Variants in C10orf143 observed in about 807,000 individuals in gnomAD.
C10orf143 encodes chromosome 10 open reading frame 143.
At chr10:130,107,817 G>A (rs565081417) in intron 1 of C10orf143, 18 of 1,248,624 alleles carry the variant, frequency 1.4e-5, no homozygotes, top group Non-Finnish European at 2.0e-5. Flanking sequence ...TCTGACACTG[G>A]GTCCCTGTCA....
At chr10:130,077,356 A>G (rs1398992013) in intron 3 of C10orf143, among the ~76,000 whole-genome samples, 1 of 152,214 alleles carries the variant, frequency 6.6e-6, no homozygotes, top group African/African-American at 2.4e-5. Context: ...AGCAGAACAG[A>G]TCAGATTAGC....
At chr10:130,060,168 G>A (rs1860838684), downstream of C10orf143, among the ~76,000 whole-genome samples, 2 of 152,030 alleles carry the variant, frequency 1.3e-5, no homozygotes, top group Admixed American at 1.3e-4. Flanking sequence ...GGTGCAAAGT[G>A]CTCCATGCTA....
intron 1 of C10orf143, among the ~76,000 whole-genome samples, chr10:130,084,353 G>A (rs1458203365): frequency 1.3e-5 from 2 of 152,014 alleles, no homozygotes; most frequent in African/African-American, 4.8e-5. Flanking sequence ...AAACTCAAAC[G>A]CTAAATAAAG....
At chr10:130,106,384 G>A in intron 1 of C10orf143, 3 of 1,602,678 alleles carry the variant, frequency 1.9e-6, no homozygotes, top group Non-Finnish European at 2.6e-6. Flanking sequence ...CATCGTTAGA[G>A]GATGCCAGCT....
At chr10:130,080,020 T>TA (rs1172552688) in intron 1 of C10orf143, 119 bp from the exon 2 acceptor site, 1 of 397,662 alleles carries the variant, frequency 2.5e-6, no homozygotes, top group African/African-American at 2.1e-5. Context: ...GAAAACTTTA[T>TA]AGGGCATTTG....
intron 1 of C10orf143, among the ~76,000 whole-genome samples, chr10:130,096,609 C>T (rs1861466312): frequency 7.3e-6 from 1 of 137,864 alleles, no homozygotes; most frequent in Admixed American, 8.0e-5. Flanking sequence ...AACCAAACAC[C>T]ACATGTTCTC....
intron 1 of C10orf143, chr10:130,108,541 AT>A: frequency 3.2e-6 from 2 of 622,658 alleles, no homozygotes; most frequent in Non-Finnish European, 2.9e-6. Flanking sequence ...TTTTGCTCAA[AT>A]TGAAACTTAA....
chr10:130,061,545 C>A (rs566239789), downstream of C10orf143, among the ~76,000 whole-genome samples: 61 of 152,186 alleles, frequency 4.0e-4, no homozygotes, highest in Admixed American at 7.9e-4. Context: ...CCCCTATATC[C>A]CCCCAAAAGC....
intron 3 of C10orf143, among the ~76,000 whole-genome samples, chr10:130,052,347 C>A (rs564548249): frequency 6.6e-6 from 1 of 152,246 alleles, no homozygotes; most frequent in South Asian, 2.1e-4. Context: ...TGGAGGGTGA[C>A]TCCAGGTACC....
chr10:130,045,565 T>C (rs1860658308), intron 3 of C10orf143, among the ~76,000 whole-genome samples: 1 of 152,228 alleles, frequency 6.6e-6, no homozygotes, highest in Non-Finnish European at 1.5e-5. Flanking sequence ...CCCTGGGAGC[T>C]GCCTCCAGAC....
At chr10:130,059,128 T>C (rs577914624), downstream of C10orf143, among the ~76,000 whole-genome samples, 30 of 152,220 alleles carry the variant, frequency 2.0e-4, no homozygotes, top group African/African-American at 5.5e-4. Flanking sequence ...CTCCAGAAAG[T>C]TGTAGCTAGA....
At chr10:130,103,821 A>G (rs1861596871) in intron 1 of C10orf143, among the ~76,000 whole-genome samples, 2 of 148,628 alleles carry the variant, frequency 1.3e-5, no homozygotes, top group Non-Finnish European at 3.0e-5. Flanking sequence ...AAAAGAAAAC[A>G]AAAAAAAAAG....
In C10orf143 at chr10:130,079,816, G is replaced by A. The variant is rs1292445503; in HGVS notation, c.155C>T (p.Pro52Leu). The A allele has an allele frequency of 2.5e-6, 1 of 398,554 alleles. No homozygotes were observed. Among genetic ancestry groups the A allele is most frequent in the East Asian group, 3.6e-5 (1 of 28,092 alleles). 24.7% of individuals were successfully genotyped at this position (398,554 alleles called of 1,614,324 possible). ...TCTTGATGGAAGCTCCCGGTCCTCT[G>A]GGCCCCAGGACGCCAGGGCACAGGC... ...VNACALASWGPEDRELPSRGC... is the reference protein window; with the variant it reads ...VNACALASWGLEDRELPSRGC... The change falls in exon 2 of 4, where the codon CCA becomes CTA. Residue 52 changes from proline (P) to leucine (L), a missense_variant. By Grantham distance (98) the Pro-to-Leu change is moderately conservative (BLOSUM62 -3). Coordinates refer to ENST00000637128, the MANE Select transcript of C10orf143 (RefSeq NM_001355042.2).
At chr10:130,063,170 C>T (rs757092903), downstream of C10orf143, among the ~76,000 whole-genome samples, 11 of 152,156 alleles carry the variant, frequency 7.2e-5, no homozygotes, top group Non-Finnish European at 1.3e-4. Flanking sequence ...GCTGGAGGGA[C>T]GCGTGCCACG....
intron 1 of C10orf143, chr10:130,106,355 G>T (rs1861646771): frequency 1.9e-6 from 3 of 1,601,158 alleles, no homozygotes; most frequent in East Asian, 4.5e-5. Flanking sequence ...AAAAGAGTAT[G>T]AAGACTATGA....
At position 130,056,588 on chromosome 10, in the gene C10orf143, C is replaced by CTATTT. The variant is rs916086333; in HGVS notation, c.298-20623_298-20619dup. 2.6e-3 allele frequency among the ~76,000 whole-genome samples: 403 copies of CTATTT among 152,104 alleles called. 1 individual carries two copies. Among genetic ancestry groups the CTATTT allele is most frequent in the African/African-American group, 9.1e-3 (377 of 41,498 alleles). On this transcript the variant is annotated intron_variant and NMD_transcript_variant, in intron 3 of 5. Coordinates refer to the C10orf143 transcript ENST00000643056. This position sits in a 1 kb window ranked among gnomAD's most constrained non-coding sequence, Gnocchi z 4.6. ...TTCATTTTTTTAAATTAAATTAAAT[C>CTATTT]TATTTTATTTTATTTTATTTTGAAA...
rs1338061428 is a variant in C10orf143, at chr10:130,065,338, T to G, written c.298-955A>C. ...GAAGACAGCACGTGACCCTACCTGG[T>G]GAGGGGCCTGAAGAAGGCTTCACAC... is the stretch of plus-strand genomic sequence containing the variant. On this transcript the variant is annotated intron_variant, in intron 3 of 3. Transcript: ENST00000637128. This position sits in a 1 kb window ranked among gnomAD's most constrained non-coding sequence, Gnocchi z 4.2. The G allele has an allele frequency of 6.6e-6, 1 of 151,832 alleles. No individual in the cohort carries two copies. The highest frequency in any genetic ancestry group is 1.5e-5 in the Non-Finnish European group (1 of 68,022). The allele number at this position is 151,832 out of a possible 1,614,324, so 9.4% of individuals were successfully genotyped here. A position where few individuals can be genotyped will look rare whatever the true frequency, so the allele number is the denominator to read the frequency against.
chr10:130,106,268 G>C, intron 1 of C10orf143: 1 of 1,558,248 alleles, frequency 6.4e-7, no homozygotes, highest in Non-Finnish European at 8.8e-7. Context: ...TGTGGGAAGA[G>C]AGAAAAAGCT....
At chr10:130,098,505 C>T (rs972767965) in intron 1 of C10orf143, among the ~76,000 whole-genome samples, 1 of 152,204 alleles carries the variant, frequency 6.6e-6, no homozygotes, top group Non-Finnish European at 1.5e-5. Flanking sequence ...AAAATACCAA[C>T]AATTTTATGC....
Sources: allele counts gnomAD v4.1 joint callset (sites outside exome capture counted in the v4.1 genomes callset), GRCh38; gene constraint gnomAD v4.1.1; non-coding constraint Gnocchi (gnomAD v3.1); transcripts MANE v1.5; gene names NCBI Gene and HGNC (gene_info 2026-07-23, HGNC 2026-07-21).